Variants in CBLB observed in about 807,000 individuals in gnomAD.
The protein encoded by CBLB is Cbl proto-oncogene B, also known as E3 ubiquitin-protein ligase CBL-B.
In CBLB, 31 loss-of-function variants were observed where a neutral mutation model predicts 104.9. The observed-to-expected ratio is 0.30, with a 90% CI of 0.22 to 0.40. CBLB has a LOEUF of 0.40. Among genes scored for constraint, CBLB ranks in the 10% least tolerant of loss-of-function variants. The pLI is 1.00. For missense variants in CBLB, 1,062 were observed against 1,214.6 expected (o/e 0.87, Z 1.87); for synonymous variants, 440 against 422.6 (o/e 1.04, Z -0.51).
intron 7 of CBLB, 41 bp downstream of exon 7, chr3:105,740,453 C>A (rs761278317): frequency 1.7e-5 from 27 of 1,609,202 alleles, no homozygotes; most frequent in Non-Finnish European, 2.1e-5. Context: ...TTTTCAAATT[C>A]ATGAATCATA....
chr3:105,795,714 G>A (rs368637631), intron 3 of CBLB, among the ~76,000 whole-genome samples: 1 of 152,084 alleles, frequency 6.6e-6, no homozygotes, highest in Admixed American at 6.5e-5. Flanking sequence ...ATCTTTTATG[G>A]TGAATACCAT....
intron 17 of CBLB, among the ~76,000 whole-genome samples, chr3:105,676,538 T>A (rs560721189): frequency 6.6e-6 from 1 of 152,260 alleles, no homozygotes; most frequent in East Asian, 1.9e-4. Context: ...CCAGAAACTA[T>A]CTTGAACTTA....
chr3:105,707,073 T>C (rs2070262053), intron 10 of CBLB, among the ~76,000 whole-genome samples: 1 of 152,206 alleles, frequency 6.6e-6, no homozygotes, highest in Non-Finnish European at 1.5e-5. Flanking sequence ...TGGGGTAAAT[T>C]TGATTTCAGA....
chr3:105,663,090 G>A (rs9873187), intron 18 of CBLB, among the ~76,000 whole-genome samples: 1 of 72,240 alleles, frequency 1.4e-5, no homozygotes, highest in African/African-American at 5.4e-5. Context: ...CCTTCACCAT[G>A]ACAGTTACTG....
chr3:105,792,088 T>C (rs765977872), intron 3 of CBLB, among the ~76,000 whole-genome samples: 9 of 152,170 alleles, frequency 5.9e-5, no homozygotes, highest in Non-Finnish European at 1.3e-4. Flanking sequence ...TTGTTAAAAA[T>C]GCAGAATCTC....
In CBLB at chr3:105,735,713, G is replaced by C. The variant is rs537837292; in HGVS notation, c.1071+1458C>G. ...CGCCTGTAATCCCAGCACTTTGGGA[G>C]GGCGAGGCGGGTGGATCACCTGAGG... On this transcript the variant is annotated intron_variant, in intron 8 of 18. Coordinates refer to ENST00000394030, the MANE Select transcript of CBLB (RefSeq NM_170662.5). Among the ~76,000 whole-genome samples, 21 of 152,294 alleles carry C rather than the reference G, an allele frequency of 1.4e-4. No individual in the cohort carries two copies. The East Asian group carries it at 2.7e-3, about 20-fold the overall frequency.
rs778256686 is a variant in CBLB at position 105,867,589 on chromosome 3, G to T, written c.-12C>A. On this transcript the variant is annotated splice_region_variant and 5_prime_UTR_variant, in exon 2 of 19. Transcript: ENST00000394030. ...ATTGAGTTTGCCATCTGGAATTTTA[G>T]TTCTTTAAAAGGCAGATTTAAAAAA... 12 of 1,613,908 alleles carry T rather than the reference G, an allele frequency of 7.4e-6. No individual in the cohort carries two copies. The highest frequency in any genetic ancestry group is 9.3e-6 in the Non-Finnish European group (11 of 1,179,858).
At chr3:105,809,189 A>T (rs974391099) in intron 3 of CBLB, among the ~76,000 whole-genome samples, 1 of 152,242 alleles carries the variant, frequency 6.6e-6, no homozygotes, top group African/African-American at 2.4e-5. Flanking sequence ...TGGTTTTATT[A>T]TACTCAACCT....
intron 4 of CBLB, among the ~76,000 whole-genome samples, chr3:105,768,437 G>A (rs1269686306): frequency 6.6e-6 from 1 of 152,178 alleles, no homozygotes; most frequent in Non-Finnish European, 1.5e-5. Flanking sequence ...AAGGAAGAGA[G>A]AGCTTAAATG....
intron 4 of CBLB, among the ~76,000 whole-genome samples, chr3:105,756,488 T>C (rs1307439123): frequency 2.0e-5 from 3 of 152,168 alleles, no homozygotes; most frequent in Non-Finnish European, 4.4e-5. Context: ...TAAAGGTATG[T>C]AACACTTTAA....
chr3:105,826,601 T>A (rs7639888), intron 3 of CBLB, among the ~76,000 whole-genome samples: 1 of 152,092 alleles, frequency 6.6e-6, no homozygotes, highest in Non-Finnish European at 1.5e-5. Flanking sequence ...CACCCTTTCA[T>A]CCTCTTGTAC....
Position 105,745,829 on chromosome 3 carries a change from C to T in CBLB, c.845+88G>A, listed in dbSNP as rs181254088. ...AGCCCCCTCCCAAGCATGCCATCAG[C>T]GGGTATTGCTGACTTACTTAGGAAC... On this transcript the variant is annotated intron_variant, in intron 6 of 18. Transcript: ENST00000394030. 2.9e-4 allele frequency: 346 copies of T among 1,183,536 alleles called. 1 individual carries two copies. The highest frequency in any genetic ancestry group is 9.0e-4 in the Admixed American group (53 of 58,882). The allele number at this position is 1,183,536 out of a possible 1,614,324, so 73.3% of individuals were successfully genotyped here.
chr3:105,776,268 T>C (rs1456782769), intron 4 of CBLB, 128 bp downstream of exon 4: 1 of 834,824 alleles, frequency 1.2e-6, no homozygotes, highest in Non-Finnish European at 1.9e-6. Context: ...TCAATCAAAA[T>C]GCTTATCAAA....
In CBLB at chr3:105,776,123, T is replaced by C. The variant is rs201897100; in HGVS notation, c.566+273A>G. 1.4e-4 allele frequency among the ~76,000 whole-genome samples: 21 copies of C among 152,334 alleles called. No individual in the cohort carries two copies. In the East Asian group the frequency reaches 2.7e-3, roughly 20 times the overall value. On this transcript the variant is annotated intron_variant, in intron 4 of 18. Transcript: ENST00000394030. ...TTATCAGCTTCTCATGTATAAAGAC[T>C]CTTACATACCTCTGCTTCTCAGAAC... is the stretch of plus-strand genomic sequence containing the variant.
chr3:105,820,974 T>C (rs1186003692), intron 3 of CBLB, among the ~76,000 whole-genome samples: 2 of 152,162 alleles, frequency 1.3e-5, no homozygotes, highest in Non-Finnish European at 2.9e-5. Flanking sequence ...TTAAAAAATA[T>C]ACCTTTTACC....
rs752325444 is a variant in CBLB at position 105,853,529 on chromosome 3, T to C, written c.304A>G (p.Ser102Gly). Reference protein sequence around the residue: ...YDDNQKLAQLSENEYFKIYID... With the variant: ...YDDNQKLAQLGENEYFKIYID... The stretch of plus-strand genomic sequence containing the variant: ...TAGATTTTAAAGTACTCATTCTCAC[T>C]GAGTTGGGCAAGTTTCTGGTTGTCA... The change falls in exon 3 of 19, where the codon AGT becomes GGT. Residue 102 changes from serine to glycine, a missense_variant. Ser to Gly is a moderately conservative substitution (Grantham distance 56). Around this residue, in one of 2 missense-constraint regions of CBLB, gnomAD observed 457 missense variants for 632.0 expected, o/e 0.72. Coordinates refer to ENST00000394030, the MANE Select transcript of CBLB (RefSeq NM_170662.5). 4 of 1,613,748 alleles carry C rather than the reference T, an allele frequency of 2.5e-6. No homozygotes were observed. The highest frequency in any genetic ancestry group is 2.5e-6 in the Non-Finnish European group (3 of 1,179,806).
intron 4 of CBLB, among the ~76,000 whole-genome samples, chr3:105,775,334 C>T (rs1205408896): frequency 6.6e-6 from 1 of 151,472 alleles, no homozygotes; most frequent in Non-Finnish European, 1.5e-5. Flanking sequence ...TTGGTGGTGA[C>T]TATAGTAAAC....
Position 105,862,058 on chromosome 3 carries a change from G to A in CBLB, c.168+5352C>T, listed in dbSNP as rs548107513. ...CCTTTCTCATCACTAATCTATGTAG[G>A]ATTCTCTTTCCTTCTCTGGTATTTA... On this transcript the variant is annotated intron_variant, in intron 2 of 18. Transcript: ENST00000394030. 7.9e-5 allele frequency among the ~76,000 whole-genome samples: 12 copies of A among 152,018 alleles called. No individual in the cohort carries two copies. In the South Asian group the frequency reaches 1.5e-3, roughly 18 times the overall value.
Position 105,685,486 on chromosome 3 carries a change from C to G in CBLB, c.2055-20G>C. ...GTACACCTACCAGGGGAAAAAAAAT[C>G]CAATCTAGTTTAAGCATAATATTCA... is the stretch of plus-strand genomic sequence containing the variant. On this transcript the variant is annotated intron_variant, in intron 13 of 18. Transcript: ENST00000394030. 6.2e-7 allele frequency: 1 copy of G among 1,606,276 alleles called. No individual in the cohort carries two copies. The highest frequency in any genetic ancestry group is 8.5e-7 in the Non-Finnish European group (1 of 1,173,952).
Sources: gnomAD v4.1 joint callset for allele counts (sites outside exome capture counted in the v4.1 genomes callset) on GRCh38, gnomAD v4.1.1 for gene constraint, gnomAD v4.1.1 regional missense constraint, MANE v1.5 for transcripts, NCBI Gene and HGNC (gene_info 2026-07-23, HGNC 2026-07-21) for gene names.